CSMD3: variants seen among roughly 807,000 people sequenced by gnomAD.
CSMD3 encodes the protein CUB and sushi domain-containing protein 3.
Under a neutral mutation model 435.2 loss-of-function variants are expected in CSMD3, and 177 were observed. That is an observed-to-expected ratio of 0.41 (90% CI 0.36 to 0.46). The LOEUF (loss-of-function observed/expected upper bound fraction) is 0.46, where lower values mean the gene tolerates loss of function less well. Ranked by LOEUF, CSMD3 falls within the 20% of genes least tolerant of loss-of-function variation. The probability of loss-of-function intolerance (pLI) is 0.34; values close to 1 mark genes in which losing one functional copy is unlikely to be tolerated. For synonymous variants in CSMD3, 1,656 were observed against 1,520.5 expected, an observed-to-expected ratio of 1.09 and a Z score of -2.07; for missense variants, 4,265 against 4,504.6, an observed-to-expected ratio of 0.95 and a Z score of 1.52.
At chr8:113,126,391 C>A (rs1450799507) in intron 4 of CSMD3, among the ~76,000 whole-genome samples, 1 of 151,336 alleles carries the variant, frequency 6.6e-6, no homozygotes, top group Non-Finnish European at 1.5e-5. Flanking sequence ...ATACATATAT[C>A]AAAAAATATA....
chr8:112,980,741 T>C (rs1021442705), intron 6 of CSMD3, among the ~76,000 whole-genome samples: 3 of 151,562 alleles, frequency 2.0e-5, no homozygotes, highest in African/African-American at 7.2e-5. Flanking sequence ...AGCTCTGATT[T>C]GTTACATTTT....
At chr8:112,852,726 T>A (rs1381476085) in intron 11 of CSMD3, among the ~76,000 whole-genome samples, 1 of 151,824 alleles carries the variant, frequency 6.6e-6, no homozygotes, top group African/African-American at 2.4e-5. Context: ...ATTGAGACCA[T>A]CCTGGCTAAC....
intron 35 of CSMD3, among the ~76,000 whole-genome samples, chr8:112,405,726 TAATA>T (rs1325543870): frequency 3.9e-5 from 6 of 152,026 alleles, no homozygotes; most frequent in East Asian, 1.9e-4. Flanking sequence ...TATCTGTAAC[TAATA>T]GAGTAAGAAA....
Position 112,636,898 on chromosome 8 carries a change from A to C in CSMD3, c.3634T>G (p.Tyr1212Asp), listed in dbSNP as rs2074676158. 1 of 1,613,394 alleles carries C rather than the reference A, an allele frequency of 6.2e-7. No individual in the cohort carries two copies. The highest frequency in any genetic ancestry group is 1.3e-5 in the African/African-American group (1 of 74,798). Residue 1212 changes from tyrosine to aspartate, a missense_variant, in exon 22 of 71, where the codon TAT becomes GAT. Tyr to Asp is a radical substitution (Grantham distance 160). This residue lies in a region of CSMD3 where 3,255 missense variants were observed against 3,380.2 expected (regional missense o/e 0.96). Coordinates refer to ENST00000297405, the MANE Select transcript of CSMD3 (RefSeq NM_198123.2). ...ATCTCTGATGTTCCTTCCAGTCGAT[A>C]ACCCGAAGAGCATGAGAAGGTCAGA... ...DTLTFSCSSG[Y>D]RLEGTSEIIC... is the part of the protein sequence containing the mutation.
At chr8:113,155,181 A>C (rs1362903778) in intron 4 of CSMD3, among the ~76,000 whole-genome samples, 1 of 152,004 alleles carries the variant, frequency 6.6e-6, no homozygotes, top group African/African-American at 2.4e-5. Flanking sequence ...CTACCTTTTA[A>C]AGGCAGACAG....
intron 38 of CSMD3, 30 bp downstream of exon 38, chr8:112,380,322 T>A (rs757466918): frequency 8.4e-7 from 1 of 1,197,550 alleles, no homozygotes; most frequent in South Asian, 1.2e-5. Flanking sequence ...GTTCTTAACC[T>A]TTTTGAATGG....
chr8:112,682,306 T>C (rs1268676777), intron 16 of CSMD3, 136 bp downstream of exon 16: 2 of 730,926 alleles, frequency 2.7e-6, no homozygotes, highest in Non-Finnish European at 4.7e-6. Context: ...CTTAACAAGA[T>C]ATGTTTAATA....
chr8:112,289,567 T>A (rs918621669), intron 56 of CSMD3, 29 bp from the exon 57 acceptor site: 6 of 1,448,240 alleles, frequency 4.1e-6, no homozygotes, highest in Admixed American at 4.0e-5. Context: ...AAATATAAAA[T>A]TTTTTTATAT....
chr8:112,541,351 C>G (rs1306469418), intron 27 of CSMD3, among the ~76,000 whole-genome samples: 3 of 151,446 alleles, frequency 2.0e-5, no homozygotes, highest in Non-Finnish European at 3.0e-5. Flanking sequence ...TTGAAAATCT[C>G]AACACAATTG....
chr8:112,897,556 A>C (rs1417126815), intron 10 of CSMD3, among the ~76,000 whole-genome samples: 1 of 151,330 alleles, frequency 6.6e-6, no homozygotes, highest in Non-Finnish European at 1.5e-5. Flanking sequence ...AAAACTGGGC[A>C]ATATAGTAAA....
chr8:112,882,019 G>A (rs184555786), intron 10 of CSMD3, among the ~76,000 whole-genome samples: 1 of 151,680 alleles, frequency 6.6e-6, no homozygotes, highest in Non-Finnish European at 1.5e-5. Flanking sequence ...TCCTTTTTCT[G>A]GGAGACTGGT....
intron 3 of CSMD3, among the ~76,000 whole-genome samples, chr8:113,183,380 C>T (rs1288992948): frequency 1.3e-5 from 2 of 151,982 alleles, no homozygotes; most frequent in Non-Finnish European, 2.9e-5. Flanking sequence ...TTATTTGATT[C>T]CAGGTTTTTT....
chr8:112,413,043 G>A (rs571481821), intron 32 of CSMD3, among the ~76,000 whole-genome samples: 137 of 152,156 alleles, frequency 9.0e-4, no homozygotes, highest in African/African-American at 3.1e-3. Context: ...GGCAACATTC[G>A]TGGAGTTCTC....
At chr8:112,511,656 C>T (rs1215347046) in intron 28 of CSMD3, among the ~76,000 whole-genome samples, 1 of 151,964 alleles carries the variant, frequency 6.6e-6, no homozygotes, top group East Asian at 1.9e-4. Flanking sequence ...TCCCAAAGTG[C>T]TGGGATTACA....
intron 1 of CSMD3, among the ~76,000 whole-genome samples, chr8:113,412,810 A>T (rs890786864): frequency 1.1e-5 from 1 of 94,006 alleles, no homozygotes; most frequent in Non-Finnish European, 2.3e-5. Context: ...TGTTACAGGT[A>T]AAAAAAAACA....
At chr8:112,815,449 A>G (rs1563987943) in intron 12 of CSMD3, among the ~76,000 whole-genome samples, 1 of 152,170 alleles carries the variant, frequency 6.6e-6, no homozygotes, top group Non-Finnish European at 1.5e-5. Flanking sequence ...ACATCTTTGT[A>G]TTCAAAGTTG....
intron 6 of CSMD3, among the ~76,000 whole-genome samples, chr8:112,984,025 G>A (rs372496917): frequency 4.0e-5 from 6 of 151,544 alleles, no homozygotes; most frequent in Non-Finnish European, 8.8e-5. Flanking sequence ...TTATTTTCTC[G>A]AAAATAAATA....
chr8:112,304,411 CAT>C (rs1176834019), intron 52 of CSMD3, among the ~76,000 whole-genome samples: 3 of 144,072 alleles, frequency 2.1e-5, no homozygotes, highest in Non-Finnish European at 4.5e-5. Context: ...GAGTATAAAA[CAT>C]ATAAAGGACT....
At chr8:113,300,033 A>G (rs1046543645) in intron 2 of CSMD3, among the ~76,000 whole-genome samples, 1 of 151,836 alleles carries the variant, frequency 6.6e-6, no homozygotes, top group Non-Finnish European at 1.5e-5. Flanking sequence ...GCATGTCTGC[A>G]GTCCCAGCTA....
Sources: allele counts gnomAD v4.1 joint callset (sites outside exome capture counted in the v4.1 genomes callset), GRCh38; gene constraint gnomAD v4.1.1; regional missense constraint gnomAD v4.1.1; transcripts MANE v1.5; gene names NCBI Gene and HGNC (gene_info 2026-07-23, HGNC 2026-07-21).